Variants in FAIM2 observed in about 807,000 individuals in gnomAD.
The protein encoded by FAIM2 is Fas apoptotic inhibitory molecule 2.
Under a neutral mutation model 47.4 loss-of-function variants are expected in FAIM2, and 27 were observed. The observed-to-expected ratio is 0.57, with a 90% CI of 0.42 to 0.78. The LOEUF (loss-of-function observed/expected upper bound fraction) is 0.78. Ranked by LOEUF, FAIM2 falls within the 30% of genes least tolerant of loss-of-function variation. FAIM2 has a pLI of 0.00. For missense variants in FAIM2, 311 were observed against 389.4 expected, an observed-to-expected ratio of 0.80 and a Z score of 1.69; for synonymous variants, 156 against 159.3, an observed-to-expected ratio of 0.98 and a Z score of 0.16.
At chr12:49,902,887 A>C (rs982498057) in intron 1 of FAIM2, 2 of 152,118 alleles carry the variant, frequency 1.3e-5, no homozygotes, top group African/African-American at 4.8e-5. Context: ...ACATCATTTG[A>C]GGCCCAAAGA....
At chr12:49,888,754 C>G (rs1946878525) in intron 10 of FAIM2, among the ~76,000 whole-genome samples, 1 of 152,164 alleles carries the variant, frequency 6.6e-6, no homozygotes, top group Admixed American at 6.5e-5. Flanking sequence ...TCTTCAAGGC[C>G]CCTCTGGGTC....
At chr12:49,896,010 A>C (rs1418779128) in intron 5 of FAIM2, among the ~76,000 whole-genome samples, 1 of 152,204 alleles carries the variant, frequency 6.6e-6, no homozygotes, top group Non-Finnish European at 1.5e-5. Flanking sequence ...TGCTTAAGCC[A>C]CTTGTCTCCT....
intron 5 of FAIM2, among the ~76,000 whole-genome samples, chr12:49,894,267 A>G (rs1946920311): frequency 6.6e-6 from 1 of 152,200 alleles, no homozygotes; most frequent in Non-Finnish European, 1.5e-5. Context: ...TATGATAATT[A>G]GAAGCTGGCT....
chr12:49,878,699 CATGTGTGCATATATGCGTGTGT>C (rs1946767338), intron 11 of FAIM2, among the ~76,000 whole-genome samples: 1 of 102,474 alleles, frequency 9.8e-6, no homozygotes, highest in Non-Finnish European at 1.8e-5. Context: ...AGTGTATGTG[CATGTGTGCATATATGCGTGTGT>C]GTCTGTGTGC....
At chr12:49,877,359 G>C (rs543586095) in intron 11 of FAIM2, among the ~76,000 whole-genome samples, 1 of 152,352 alleles carries the variant, frequency 6.6e-6, no homozygotes, top group Non-Finnish European at 1.5e-5. Flanking sequence ...AGGTTGTCTG[G>C]GTGGGGCGTC....
intron 10 of FAIM2, among the ~76,000 whole-genome samples, chr12:49,887,666 CG>C (rs1565617090): frequency 6.6e-6 from 1 of 151,776 alleles, no homozygotes; most frequent in Non-Finnish European, 1.5e-5. Context: ...AGAACTCCCC[CG>C]AGCCTGGTCG....
intron 4 of FAIM2, among the ~76,000 whole-genome samples, 153 bp downstream of exon 4, chr12:49,897,366 C>T (rs1484994658): frequency 2.0e-5 from 3 of 152,128 alleles, no homozygotes; most frequent in Admixed American, 6.5e-5. Context: ...TGCCTGGTGC[C>T]CTCTCTAAGG....
chr12:49,892,606 T>G (rs1319967782), intron 5 of FAIM2, among the ~76,000 whole-genome samples: 1 of 152,066 alleles, frequency 6.6e-6, no homozygotes, highest in Non-Finnish European at 1.5e-5. Flanking sequence ...ACATGACCCC[T>G]GGGTCCCTCC....
At chr12:49,891,755 G>A (rs1946901865) in intron 5 of FAIM2, among the ~76,000 whole-genome samples, 1 of 152,182 alleles carries the variant, frequency 6.6e-6, no homozygotes, top group Non-Finnish European at 1.5e-5. Context: ...CCAGCACCTG[G>A]AACAAGCAGG....
At chr12:49,901,583 T>C in intron 1 of FAIM2, 2 of 367,680 alleles carry the variant, frequency 5.4e-6, no homozygotes, top group Non-Finnish European at 9.6e-6. Flanking sequence ...GTGTCCACCA[T>C]TGGTTGTCAC....
chr12:49,888,319 C>G (rs1424420424), intron 10 of FAIM2, among the ~76,000 whole-genome samples: 1 of 152,156 alleles, frequency 6.6e-6, no homozygotes, highest in African/African-American at 2.4e-5. Context: ...GAGGCTGGGG[C>G]TGGGCAGGAT....
chr12:49,886,777 C>T (rs1946864695), intron 11 of FAIM2, among the ~76,000 whole-genome samples: 2 of 152,016 alleles, frequency 1.3e-5, no homozygotes, highest in South Asian at 4.2e-4. Context: ...TGACCGGCCT[C>T]CCCATCTTAA....
At chr12:49,889,969 G>A in intron 8 of FAIM2, 148 bp downstream of exon 8, 1 of 728,514 alleles carries the variant, frequency 1.4e-6, no homozygotes, top group South Asian at 1.8e-5. Flanking sequence ...TCAAGCAGAG[G>A]ACCCTAGGCC....
chr12:49,893,262 C>T (rs1194042200), intron 5 of FAIM2, among the ~76,000 whole-genome samples: 1 of 152,130 alleles, frequency 6.6e-6, no homozygotes, highest in Non-Finnish European at 1.5e-5. Flanking sequence ...CTCTGCCCCT[C>T]CACTACACCC....
At chr12:49,902,707 C>A (rs1946989573) in intron 1 of FAIM2, 1 of 151,844 alleles carries the variant, frequency 6.6e-6, no homozygotes, top group East Asian at 1.9e-4. Context: ...ACTCCCCAGC[C>A]CCCCTCATCA....
In FAIM2 at chr12:49,901,168, G is replaced by A. The variant is rs145638550; in HGVS notation, c.173C>T (p.Ala58Val). The stretch of plus-strand genomic sequence containing the variant: ...GGCCCAGCTAGGGTGGAGAGGCACC[G>A]CTGTGGGGGCTGGGGGGAAGGCCCC... ...KAGAFPPAPT[A>V]VPLHPSWAYV... The change falls in exon 2 of 12, where the codon GCG becomes GTG. Residue 58 changes from alanine to valine, a missense_variant. Ala to Val is a moderately conservative substitution (Grantham distance 64). Transcript: ENST00000320634. 53 of 1,606,774 alleles carry A rather than the reference G, an allele frequency of 3.3e-5. No homozygotes were observed. The East Asian group carries it at 4.5e-4, about 14-fold the overall frequency.
chr12:49,889,382 T>TC lies in FAIM2; in HGVS notation c.651+98dup, dbSNP rs995657751. ...ACCCAACTCACCCCCTTTACTTCTC[T>TC]CCCCAGCCCCAGGTCCGAGCTCTGA... On this transcript the variant is annotated intron_variant, in intron 9 of 11. Transcript: ENST00000320634. 3.8e-5 allele frequency: 45 copies of TC among 1,180,062 alleles called. No homozygotes were observed. In the African/African-American group the frequency reaches 5.9e-4, roughly 15 times the overall value. The allele number at this position is 1,180,062 out of a possible 1,614,324, so 73.1% of individuals were successfully genotyped here.
chr12:49,880,900 G>GTC (rs1555158757), intron 11 of FAIM2, among the ~76,000 whole-genome samples: 147 of 152,048 alleles, frequency 9.7e-4, no homozygotes, highest in African/African-American at 3.0e-3. Flanking sequence ...GTGTGTGTGT[G>GTC]TCTCTCTGGA....
At chr12:49,893,006 C>G (rs1426978256) in intron 5 of FAIM2, among the ~76,000 whole-genome samples, 1 of 152,164 alleles carries the variant, frequency 6.6e-6, no homozygotes, top group African/African-American at 2.4e-5. Context: ...GTTGATCTTC[C>G]TACCCAGGCA....
Sources: allele counts gnomAD v4.1 joint callset (sites outside exome capture counted in the v4.1 genomes callset), GRCh38; gene constraint gnomAD v4.1.1; transcripts MANE v1.5; gene names NCBI Gene and HGNC (gene_info 2026-07-23, HGNC 2026-07-21).